Variants in UBQLN1 observed in about 807,000 individuals in gnomAD.
UBQLN1 encodes the protein ubiquilin 1.
UBQLN1 carries 13 observed loss-of-function variants against 65.4 expected under a neutral mutation model. The observed-to-expected ratio is 0.20, with a 90% CI of 0.13 to 0.32. The LOEUF is 0.32. UBQLN1 is among the 10% of genes least tolerant of loss of function. The pLI is 1.00. For missense variants in UBQLN1, 561 were observed against 724.0 expected, an observed-to-expected ratio of 0.77 and a Z score of 2.58; for synonymous variants, 267 against 247.8, an observed-to-expected ratio of 1.08 and a Z score of -0.73.
At chr9:83,689,920 G>A (rs1456059291) in intron 1 of UBQLN1, among the ~76,000 whole-genome samples, 4 of 152,020 alleles carry the variant, frequency 2.6e-5, no homozygotes, top group African/African-American at 9.7e-5. Context: ...AAACAACACA[G>A]GTAACTTTAA....
chr9:83,706,033 A>G (rs1832399620), intron 1 of UBQLN1, among the ~76,000 whole-genome samples: 1 of 152,212 alleles, frequency 6.6e-6, no homozygotes, highest in Admixed American at 6.5e-5. Flanking sequence ...AATGTTCTAT[A>G]TCTTGATAAG....
chr9:83,679,578 A>G (rs1416797256), intron 4 of UBQLN1, among the ~76,000 whole-genome samples, 197 bp downstream of exon 4: 1 of 152,244 alleles, frequency 6.6e-6, no homozygotes, highest in Non-Finnish European at 1.5e-5. Context: ...TAAACTATTT[A>G]CAAAGATCCT....
At chr9:83,663,657 T>C (rs1251401441) in intron 10 of UBQLN1, among the ~76,000 whole-genome samples, 1 of 152,232 alleles carries the variant, frequency 6.6e-6, no homozygotes, top group African/African-American at 2.4e-5. Context: ...ATGTCTTCTC[T>C]ACAACCGTAA....
In UBQLN1 at chr9:83,683,064, G is replaced by A. The variant is rs1391751346; in HGVS notation, c.335C>T (p.Pro112Leu). 1.2e-6 allele frequency: 2 copies of A among 1,604,126 alleles called. No homozygotes were observed. ...VHLVIKTQNR[P>L]QDHSAQQTNT... ...TGTTTGCTGAGCTGAATGATCCTGAGGCCTAGGGAAAATAATTAATCACAG... is the reference window on the plus strand; with the variant it reads ...TGTTTGCTGAGCTGAATGATCCTGAAGCCTAGGGAAAATAATTAATCACAG... The change falls in exon 3 of 11, where the codon CCT (proline) becomes CTT (leucine). Residue 112 changes from proline to leucine, a missense_variant and splice_region_variant. Pro to Leu is a moderately conservative substitution (Grantham distance 98). Transcript: ENST00000376395.
Position 83,661,858 on chromosome 9 carries a change from G to C in UBQLN1, c.1699C>G (p.Gln567Glu), listed in dbSNP as rs1475108693. 1.2e-6 allele frequency: 2 copies of C among 1,614,010 alleles called. No individual in the cohort carries two copies. The highest frequency in any genetic ancestry group is 1.7e-5 in the Admixed American group (1 of 60,018). Residue 567 changes from glutamine (Q) to glutamate (E), a missense_variant, in exon 11 of 11, where the codon CAA becomes GAA. Transcript: ENST00000376395. ...MGFLNREANLQALIATGGDIN... is the reference protein window; with the variant it reads ...MGFLNREANLEALIATGGDIN... ...TCACCTCCTGTTGCTATTAGAGCTT[G>C]CAAGTTTGCTTCACGGTTCAAAAAT...
chr9:83,693,758 G>T (rs1832165699), intron 1 of UBQLN1, among the ~76,000 whole-genome samples: 1 of 152,172 alleles, frequency 6.6e-6, no homozygotes, highest in Non-Finnish European at 1.5e-5. Flanking sequence ...ATGGAGGAAA[G>T]AGAGGAGAAT....
At chr9:83,697,149 G>A (rs1330649471) in intron 1 of UBQLN1, among the ~76,000 whole-genome samples, 1 of 151,904 alleles carries the variant, frequency 6.6e-6, no homozygotes, top group East Asian at 1.9e-4. Context: ...GATCGGTGAG[G>A]CCTCCCAAGT....
chr9:83,690,801 T>C (rs576396664), intron 1 of UBQLN1, among the ~76,000 whole-genome samples: 13 of 151,836 alleles, frequency 8.6e-5, no homozygotes, highest in Non-Finnish European at 1.9e-4. Context: ...CAGCTCTCCT[T>C]AGTATTTCAA....
intron 1 of UBQLN1, among the ~76,000 whole-genome samples, chr9:83,697,551 CAAAAAAAAAAAA>C (rs750268209): frequency 0.021 from 726 of 34,476 alleles, 16 homozygotes; most frequent in Admixed American, 0.045. Flanking sequence ...GACACTGTCT[CAAAAAAAAAAAA>C]AAAAAAAAAA....
At chr9:83,706,176 C>T (rs1359895769) in intron 1 of UBQLN1, among the ~76,000 whole-genome samples, 3 of 152,192 alleles carry the variant, frequency 2.0e-5, no homozygotes, top group Non-Finnish European at 4.4e-5. Context: ...GTTCACAATG[C>T]TGAAGTGACA....
intron 1 of UBQLN1, among the ~76,000 whole-genome samples, chr9:83,686,806 T>A (rs918997348): frequency 6.6e-6 from 1 of 152,048 alleles, no homozygotes; most frequent in Non-Finnish European, 1.5e-5. Flanking sequence ...CTTTTGAGTA[T>A]CCATGACACT....
Position 83,663,923 on chromosome 9 carries a change from C to T in UBQLN1, c.1569G>A (p.Gln523=). The change falls in exon 10 of 11, where the codon CAG becomes CAA. Residue 523 remains glutamine (Q), a synonymous_variant. Coordinates refer to ENST00000376395, the MANE Select transcript of UBQLN1 (RefSeq NM_013438.5). ...PTAGTTEPGH[Q]QFIQQMLQAL... is the part of the protein sequence containing the mutation. ...CCTGCAGCATCTGCTGAATAAACTG[C>T]TGATGTCCAGGTTCAGTGGTTCCTG... 2 of 1,614,144 alleles carry T rather than the reference C, an allele frequency of 1.2e-6. No individual in the cohort carries two copies. The highest frequency in any genetic ancestry group is 1.7e-6 in the Non-Finnish European group (2 of 1,179,994).
chr9:83,687,256 G>C (rs1832055043), intron 1 of UBQLN1, among the ~76,000 whole-genome samples: 1 of 152,176 alleles, frequency 6.6e-6, no homozygotes, highest in Non-Finnish European at 1.5e-5. Context: ...AGGCTTTCCA[G>C]GGACCAGACA....
chr9:83,706,213 G>A (rs973266607), intron 1 of UBQLN1, among the ~76,000 whole-genome samples: 2 of 152,160 alleles, frequency 1.3e-5, no homozygotes, highest in Admixed American at 1.3e-4. Context: ...ACTGATACGT[G>A]CAACTTACTC....
At chr9:83,697,119 C>G (rs2131183212) in intron 1 of UBQLN1, among the ~76,000 whole-genome samples, 1 of 152,112 alleles carries the variant, frequency 6.6e-6, no homozygotes, top group South Asian at 2.1e-4. Flanking sequence ...AAAGGAAAGT[C>G]AAGGCAGTTT....
intron 1 of UBQLN1, among the ~76,000 whole-genome samples, chr9:83,699,218 T>A (rs542678052): frequency 4.3e-4 from 66 of 152,326 alleles, no homozygotes; most frequent in African/African-American, 1.5e-3. Context: ...GTCACTGAAG[T>A]GAACCCTTAA....
chr9:83,682,780 T>C (rs1831964844), intron 3 of UBQLN1, among the ~76,000 whole-genome samples, 171 bp downstream of exon 3: 1 of 152,016 alleles, frequency 6.6e-6, no homozygotes, highest in Admixed American at 6.6e-5. Context: ...AGAATATCCA[T>C]ATCCCCAACT....
chr9:83,694,803 G>A (rs565396402), intron 1 of UBQLN1, among the ~76,000 whole-genome samples: 24 of 152,208 alleles, frequency 1.6e-4, no homozygotes, highest in Non-Finnish European at 2.9e-4. Context: ...TTATGCATAC[G>A]ATGTCACAAA....
At chr9:83,705,266 G>A (rs1290794695) in intron 1 of UBQLN1, among the ~76,000 whole-genome samples, 1 of 37,192 alleles carries the variant, frequency 2.7e-5, no homozygotes, top group Non-Finnish European at 5.7e-5. Context: ...TTGAAACGGA[G>A]TTTCACTCTT....
Sources: gnomAD v4.1 joint callset for allele counts (sites outside exome capture counted in the v4.1 genomes callset) on GRCh38, gnomAD v4.1.1 for gene constraint, MANE v1.5 for transcripts, NCBI Gene and HGNC (gene_info 2026-07-23, HGNC 2026-07-21) for gene names.